Variants in METTL14 observed in about 807,000 individuals in gnomAD.
METTL14 encodes the protein methyltransferase 14, N6-adenosine-methyltransferase non-catalytic subunit.
A neutral mutation model predicts 62.4 loss-of-function variants in METTL14; 32 were observed. The ratio of observed to expected loss-of-function variants is 0.51; its 90% CI spans 0.39 to 0.69. The LOEUF is 0.69. METTL14 is among the 30% of genes least tolerant of loss of function. METTL14 has a pLI of 0.00. For missense variants in METTL14, 340 were observed against 551.9 expected (o/e 0.62, Z 3.85); for synonymous variants, 150 against 180.0 (o/e 0.83, Z 1.34).
chr4:118,688,441 C>CA (rs10549507), intron 2 of METTL14, among the ~76,000 whole-genome samples: 3,680 of 118,610 alleles, frequency 0.031, 146 homozygotes, highest in African/African-American at 0.12. Context: ...GACTCCGTCT[C>CA]AAAAAAAAAA....
Position 118,688,187 on chromosome 4 carries a change from A to G in METTL14, c.155+176A>G, listed in dbSNP as rs557849187. Among the ~76,000 whole-genome samples, 4 of 152,168 alleles carry G rather than the reference A, an allele frequency of 2.6e-5. No homozygotes were observed. In the South Asian group the frequency reaches 8.3e-4, roughly 32 times the overall value. ...AGTGCTGAGATTACAGATATGAGCCACTGTGCCGAGGCAGGTGGATCACTT... is the reference window on the plus strand; with the variant it reads ...AGTGCTGAGATTACAGATATGAGCCGCTGTGCCGAGGCAGGTGGATCACTT... On this transcript the variant is annotated intron_variant, in intron 2 of 10. Transcript: ENST00000388822.
At chr4:118,707,541 G>A (rs1255235062) in intron 10 of METTL14, among the ~76,000 whole-genome samples, 1 of 151,278 alleles carries the variant, frequency 6.6e-6, no homozygotes, top group Non-Finnish European at 1.5e-5. Flanking sequence ...GTGTGTGCCT[G>A]TAATCCCAGC....
rs1007495281 is a variant in METTL14 at position 118,711,571 on chromosome 4, A to G, written c.*1269A>G. 4 of 152,176 alleles carry G rather than the reference A, an allele frequency of 2.6e-5. No homozygotes were observed. The highest frequency in any genetic ancestry group is 2.6e-4 in the Admixed American group (4 of 15,270). 9.4% of individuals were successfully genotyped at this position (152,176 alleles called of 1,614,324 possible). A position where few individuals can be genotyped will look rare whatever the true frequency, so the allele number is the denominator to read the frequency against. Reference sequence around the variant, plus strand: ...TTTAATGGCCGTTCTGTGCTCATATATACCTAAGATGAGATTATATTACAT... The same window carrying G: ...TTTAATGGCCGTTCTGTGCTCATATGTACCTAAGATGAGATTATATTACAT... On this transcript the variant is annotated 3_prime_UTR_variant, in exon 11 of 11. Coordinates refer to ENST00000388822, the MANE Select transcript of METTL14 (RefSeq NM_020961.4).
At chr4:118,701,544 A>T (rs1724589969) in intron 8 of METTL14, among the ~76,000 whole-genome samples, 1 of 152,188 alleles carries the variant, frequency 6.6e-6, no homozygotes, top group Non-Finnish European at 1.5e-5. Context: ...AACAAGAATA[A>T]CAACAGTATT....
At chr4:118,700,097 T>G (rs1240521265) in intron 7 of METTL14, among the ~76,000 whole-genome samples, 1 of 152,114 alleles carries the variant, frequency 6.6e-6, no homozygotes, top group African/African-American at 2.4e-5. Context: ...TATTGATTTA[T>G]TGAGAAGTTC....
chr4:118,689,417 A>T lies in METTL14; in HGVS notation c.203A>T (p.Asp68Val). ...SAPNAKRKYL[D>V]EGETDEDKME... is the part of the protein sequence containing the mutation. ...CCAAATGCAAAACGTAAGTATCTGG[A>T]TGAAGGAGAGACAGATGAAGACAAA... Residue 68 changes from aspartate to valine, a missense_variant, in exon 3 of 11, where the codon GAT becomes GTT. Asp to Val is a radical substitution (Grantham distance 152). This residue lies in a region of METTL14 where 111 missense variants were observed against 116.6 expected (regional missense o/e 0.95). Transcript: ENST00000388822. The T allele has an allele frequency of 6.2e-7, 1 of 1,606,480 alleles. No individual in the cohort carries two copies. Among genetic ancestry groups the T allele is most frequent in the Non-Finnish European group, 8.5e-7 (1 of 1,176,402 alleles).
At chr4:118,696,002 C>T (rs915175879) in intron 6 of METTL14, among the ~76,000 whole-genome samples, 4 of 147,950 alleles carry the variant, frequency 2.7e-5, no homozygotes, top group South Asian at 2.2e-4. Context: ...CCCAGCTATT[C>T]GGGAGGCAGA....
At chr4:118,702,774 T>C (rs1724632418) in intron 8 of METTL14, among the ~76,000 whole-genome samples, 1 of 150,990 alleles carries the variant, frequency 6.6e-6, no homozygotes, top group African/African-American at 2.4e-5. Context: ...TCTCAAAAAA[T>C]AAAATAAAAT....
chr4:118,688,139 G>A, intron 2 of METTL14, 128 bp downstream of exon 2: 2 of 720,894 alleles, frequency 2.8e-6, no homozygotes, highest in Non-Finnish European at 4.5e-6. Flanking sequence ...GGCTCAAGTG[G>A]TACACCTGCC....
intron 8 of METTL14, among the ~76,000 whole-genome samples, chr4:118,701,510 C>T (rs1724589135): frequency 1.3e-5 from 2 of 152,032 alleles, no homozygotes; most frequent in Non-Finnish European, 2.9e-5. Flanking sequence ...CCAAAAGGAA[C>T]AAAATAATAT....
chr4:118,690,019 A>G (rs1220843328), intron 3 of METTL14, among the ~76,000 whole-genome samples: 2 of 146,834 alleles, frequency 1.4e-5, no homozygotes, highest in Non-Finnish European at 3.0e-5. Flanking sequence ...TCTGGTAAGA[A>G]CTAGGTAATA....
intron 1 of METTL14, among the ~76,000 whole-genome samples, chr4:118,686,017 C>T (rs546854258): frequency 2.6e-4 from 40 of 152,288 alleles, no homozygotes; most frequent in African/African-American, 8.9e-4. Flanking sequence ...ACAGTATTTT[C>T]TTTGACATCT....
At position 118,710,476 on chromosome 4, in the gene METTL14, GT is replaced by G. The variant is rs1296297693; in HGVS notation, c.*181del. 3 of 607,222 alleles carry G rather than the reference GT, an allele frequency of 4.9e-6. No homozygotes were observed. Among genetic ancestry groups the G allele is most frequent in the Middle Eastern group, 4.4e-4 (1 of 2,258 alleles). The allele number at this position is 607,222 out of a possible 1,614,324, so 37.6% of individuals were successfully genotyped here. ...TTGCAGTTGTCACACACACTGTCTG[GT>G]TTTTTTCAGGATAAATGAATGATTC... is the stretch of plus-strand genomic sequence containing the variant. On this transcript the variant is annotated 3_prime_UTR_variant, in exon 11 of 11. Transcript: ENST00000388822.
rs1436100744 is a variant in METTL14 at position 118,700,479 on chromosome 4, G to A, written c.646-71G>A. Reference sequence around the variant, plus strand: ...ACATCTATCCTAATAAATCTTAATTGTTGTTCTTTTGGATTTAGGATGAAT... The same window carrying A: ...ACATCTATCCTAATAAATCTTAATTATTGTTCTTTTGGATTTAGGATGAAT... On this transcript the variant is annotated intron_variant, in intron 7 of 10. Transcript: ENST00000388822. 2.2e-5 allele frequency: 26 copies of A among 1,202,816 alleles called. No individual in the cohort carries two copies. In the Admixed American group the frequency reaches 3.7e-4, roughly 17 times the overall value. The allele number at this position is 1,202,816 out of a possible 1,614,324, so 74.5% of individuals were successfully genotyped here.
intron 1 of METTL14, among the ~76,000 whole-genome samples, chr4:118,686,149 C>T (rs1339211298): frequency 4.6e-5 from 7 of 152,306 alleles, no homozygotes; most frequent in East Asian, 1.9e-4. Flanking sequence ...TCACAATAAT[C>T]TCCTGAAACA....
At chr4:118,696,016 TG>T (rs1349578508) in intron 6 of METTL14, among the ~76,000 whole-genome samples, 2 of 144,342 alleles carry the variant, frequency 1.4e-5, no homozygotes, top group African/African-American at 2.6e-5. Flanking sequence ...AGGCAGAGGC[TG>T]AGGCAGAAGA....
chr4:118,699,521 ATCCT>A (rs1207641989), intron 7 of METTL14, among the ~76,000 whole-genome samples: 1 of 152,182 alleles, frequency 6.6e-6, no homozygotes, highest in African/African-American at 2.4e-5. Context: ...AGTTAGCCAT[ATCCT>A]CATTAAAGTT....
intron 1 of METTL14, among the ~76,000 whole-genome samples, chr4:118,687,197 T>G (rs1724093810): frequency 6.6e-6 from 1 of 152,232 alleles, no homozygotes; most frequent in Non-Finnish European, 1.5e-5. Context: ...GTGTTTTGGA[T>G]TTCAGATTTT....
chr4:118,699,997 CACTTA>C (rs1724539140), intron 7 of METTL14, among the ~76,000 whole-genome samples: 1 of 151,702 alleles, frequency 6.6e-6, no homozygotes, highest in Non-Finnish European at 1.5e-5. Context: ...AAAGTACCAA[CACTTA>C]ACTTTTAGAA....
Sources: allele counts gnomAD v4.1 joint callset (sites outside exome capture counted in the v4.1 genomes callset), GRCh38; gene constraint gnomAD v4.1.1; regional missense constraint gnomAD v4.1.1; transcripts MANE v1.5; gene names NCBI Gene and HGNC (gene_info 2026-07-23, HGNC 2026-07-21).